Variants in LAMA3 observed in about 807,000 individuals in gnomAD.
LAMA3 encodes the protein laminin subunit alpha-3.
A neutral mutation model predicts 402.0 loss-of-function variants in LAMA3; 281 were observed. That is an observed-to-expected ratio of 0.70 (90% confidence interval 0.63 to 0.77). LAMA3 has a LOEUF of 0.77. Ranked by LOEUF, LAMA3 falls within the 30% of genes least tolerant of loss-of-function variation. The pLI, the probability that LAMA3 is intolerant of heterozygous loss-of-function variation, is 0.00. For missense variants in LAMA3, 3,840 were observed against 4,215.5 expected, an observed-to-expected ratio of 0.91 and a Z score of 2.47; for synonymous variants, 1,431 against 1,558.4, an observed-to-expected ratio of 0.92 and a Z score of 1.93.
At chr18:23,867,769 A>G (rs2064399377) in intron 36 of LAMA3, 65 bp from the exon 37 acceptor site, 3 of 1,233,356 alleles carry the variant, frequency 2.4e-6, no homozygotes, top group Non-Finnish European at 3.6e-6. Context: ...GTTTTCTTAG[A>G]TCAGTTATAA....
At chr18:23,866,111 G>C (rs1366069161) in intron 36 of LAMA3, among the ~76,000 whole-genome samples, 1 of 152,208 alleles carries the variant, frequency 6.6e-6, no homozygotes, top group Non-Finnish European at 1.5e-5. Context: ...TTTTGAGAAA[G>C]GAAGTAACAA....
At chr18:23,904,207 G>T in intron 50 of LAMA3, 120 bp downstream of exon 50, 1 of 1,175,510 alleles carries the variant, frequency 8.5e-7, no homozygotes, top group Non-Finnish European at 1.3e-6. Flanking sequence ...GAGGGCGGAG[G>T]GTGGGGTCAA....
Position 23,904,596 on chromosome 18 carries a change from G to A in LAMA3, c.6517G>A (p.Val2173Met). ...CGGGGATGAGCTGGTGCGCTGTGCT[G>A]TGGATGCCGCCACCGCCTACGAGAA... ...ASGDELVRCA[V>M]DAATAYENIL... The change falls in exon 51 of 75, where the codon GTG (valine) becomes ATG (methionine). Residue 2173 changes from valine (V) to methionine (M), a missense_variant. Physicochemically the swap from Val to Met is conservative, Grantham distance 21. Coordinates refer to ENST00000313654, the MANE Select transcript of LAMA3 (RefSeq NM_198129.4). 1.2e-6 allele frequency: 2 copies of A among 1,611,458 alleles called. No individual in the cohort carries two copies. The highest frequency in any genetic ancestry group is 1.7e-6 in the Non-Finnish European group (2 of 1,178,960).
In LAMA3 at chr18:23,775,189, G is replaced by A. The variant is rs551082152; in HGVS notation, c.1274-603G>A. 9.2e-5 allele frequency among the ~76,000 whole-genome samples: 14 copies of A among 152,314 alleles called. No homozygotes were observed. In the South Asian group the frequency reaches 1.0e-3, roughly 11 times the overall value. Reference sequence around the variant, plus strand: ...AAGGGAGGCCCCCAAGTGGGAGGTCGACAATCTTCTTATACTTGCACTATG... The same window carrying A: ...AAGGGAGGCCCCCAAGTGGGAGGTCAACAATCTTCTTATACTTGCACTATG... On this transcript the variant is annotated intron_variant, in intron 9 of 74. Transcript: ENST00000313654.
chr18:23,866,384 T>C (rs1030696532), intron 36 of LAMA3, among the ~76,000 whole-genome samples: 3 of 152,234 alleles, frequency 2.0e-5, no homozygotes, highest in African/African-American at 7.2e-5. Flanking sequence ...ACACACCTCA[T>C]CACAGCATAT....
chr18:23,804,462 C>T (rs755881658), intron 12 of LAMA3, among the ~76,000 whole-genome samples: 4 of 152,144 alleles, frequency 2.6e-5, no homozygotes, highest in Non-Finnish European at 4.4e-5. Context: ...CTCCTGACAC[C>T]CAAATGTCTT....
chr18:23,795,189 A>C (rs1350416824), intron 12 of LAMA3, among the ~76,000 whole-genome samples: 1 of 152,230 alleles, frequency 6.6e-6, no homozygotes, highest in Non-Finnish European at 1.5e-5. Flanking sequence ...TTTGTTTTGC[A>C]AGCCAATTGC....
intron 8 of LAMA3, among the ~76,000 whole-genome samples, chr18:23,772,851 A>G (rs1209148086): frequency 6.6e-6 from 1 of 152,244 alleles, no homozygotes; most frequent in Non-Finnish European, 1.5e-5. Flanking sequence ...TAGTTTTGGA[A>G]ACTGATGATG....
chr18:23,939,052 C>G (rs532582801), intron 67 of LAMA3, among the ~76,000 whole-genome samples, 171 bp from the exon 68 acceptor site: 1 of 152,264 alleles, frequency 6.6e-6, no homozygotes, highest in Admixed American at 6.5e-5. Flanking sequence ...CAGTCAGTGA[C>G]CCGCAGGAAG....
At chr18:23,912,934 G>A (rs1221604748) in intron 56 of LAMA3, 53 bp downstream of exon 56, 6 of 1,535,966 alleles carry the variant, frequency 3.9e-6, no homozygotes, top group Non-Finnish European at 5.4e-6. Context: ...TTTTCGAGAG[G>A]TGTGCTTTTG....
At chr18:23,900,057 T>G (rs1425092342) in intron 47 of LAMA3, among the ~76,000 whole-genome samples, 4 of 78,470 alleles carry the variant, frequency 5.1e-5, no homozygotes, top group Non-Finnish European at 1.4e-4. Flanking sequence ...GAAATGAACT[T>G]TGTGTGTGTG....
chr18:23,703,502 C>A (rs554432710), intron 1 of LAMA3, among the ~76,000 whole-genome samples: 1 of 152,098 alleles, frequency 6.6e-6, no homozygotes, highest in South Asian at 2.1e-4. Context: ...TCAAAGGACT[C>A]CCCCACCTAG....
At chr18:23,721,161 T>TA (rs531677468) in intron 2 of LAMA3, among the ~76,000 whole-genome samples, 6 of 147,036 alleles carry the variant, frequency 4.1e-5, no homozygotes, top group Admixed American at 2.0e-4. Flanking sequence ...CTGCCTCTAT[T>TA]AAAAAAAAAA....
At chr18:23,715,097 C>T (rs1009829888) in intron 2 of LAMA3, among the ~76,000 whole-genome samples, 1 of 151,864 alleles carries the variant, frequency 6.6e-6, no homozygotes, top group Non-Finnish European at 1.5e-5. Flanking sequence ...TTGTCTAGGG[C>T]TAGGGGTTTT....
chr18:23,835,674 T>C (rs2063567679), intron 24 of LAMA3, among the ~76,000 whole-genome samples: 1 of 152,206 alleles, frequency 6.6e-6, no homozygotes, highest in Non-Finnish European at 1.5e-5. Context: ...TTCTCTTCCT[T>C]GCCTGTCATG....
At chr18:23,923,596 C>T (rs1449169098) in intron 62 of LAMA3, among the ~76,000 whole-genome samples, 2 of 152,150 alleles carry the variant, frequency 1.3e-5, no homozygotes, top group Non-Finnish European at 2.9e-5. Flanking sequence ...AGTCCAGGAG[C>T]CTGAGACACA....
chr18:23,946,399 A>C, intron 70 of LAMA3, 115 bp downstream of exon 70: 1 of 1,145,966 alleles, frequency 8.7e-7, no homozygotes, highest in Non-Finnish European at 1.3e-6. Context: ...ACTTTAAATG[A>C]TTTTTAAGGA....
chr18:23,758,326 G>C, intron 6 of LAMA3, 70 bp from the exon 7 acceptor site: 1 of 1,102,480 alleles, frequency 9.1e-7, no homozygotes, highest in Non-Finnish European at 1.4e-6. Flanking sequence ...TGTCAGGTTC[G>C]CACTATAGGA....
Position 23,689,487 on chromosome 18 carries a change from G to C in LAMA3, c.-197G>C, listed in dbSNP as rs1007915301. The stretch of plus-strand genomic sequence containing the variant: ...TCCGGCTGGTGCCCGCTCCAGCCGC[G>C]GCAGGTTCCAGAGCTGAGAGGCCAC... On this transcript the variant is annotated 5_prime_UTR_variant, in exon 1 of 75. Coordinates refer to ENST00000313654, the MANE Select transcript of LAMA3 (RefSeq NM_198129.4). 1 of 416,080 alleles carries C rather than the reference G, an allele frequency of 2.4e-6. No individual in the cohort carries two copies. The highest frequency in any genetic ancestry group is 4.0e-6 in the Non-Finnish European group (1 of 250,700). The allele number at this position is 416,080 out of a possible 1,614,324, so 25.8% of individuals were successfully genotyped here. A position where few individuals can be genotyped will look rare whatever the true frequency, so the allele number is the denominator to read the frequency against.
Sources: allele counts gnomAD v4.1 joint callset (sites outside exome capture counted in the v4.1 genomes callset), GRCh38; gene constraint gnomAD v4.1.1; transcripts MANE v1.5; gene names NCBI Gene and HGNC (gene_info 2026-07-23, HGNC 2026-07-21).